NRXN3: variants seen among roughly 807,000 people sequenced by gnomAD.
NRXN3 encodes neurexin III.
A neutral mutation model predicts 137.6 loss-of-function variants in NRXN3; 32 were observed. That is an observed-to-expected ratio of 0.23 (90% CI 0.18 to 0.31). NRXN3 has a LOEUF of 0.31. Among genes scored for constraint, NRXN3 ranks in the 10% least tolerant of loss-of-function variants. The pLI is 1.00. For synonymous variants in NRXN3, 798 were observed against 784.5 expected (o/e 1.02, Z -0.29); for missense variants, 1,574 against 2,062.5 (o/e 0.76, Z 4.59).
intron 4 of NRXN3, among the ~76,000 whole-genome samples, chr14:78,600,583 T>G (rs2097194415): frequency 6.6e-6 from 1 of 152,210 alleles, no homozygotes; most frequent in African/African-American, 2.4e-5. Context: ...TATCAAGGAC[T>G]TGTGCTCCTG....
chr14:79,260,272 C>G (rs559201038), intron 15 of NRXN3, among the ~76,000 whole-genome samples: 1 of 152,146 alleles, frequency 6.6e-6, no homozygotes, highest in East Asian at 1.9e-4. Flanking sequence ...TCTATAAATT[C>G]TATTTTATAA....
chr14:79,009,958 A>T (rs1391215395), intron 15 of NRXN3, among the ~76,000 whole-genome samples: 1 of 152,232 alleles, frequency 6.6e-6, no homozygotes, highest in Non-Finnish European at 1.5e-5. Context: ...TGAAGAATAT[A>T]GAGAATATGC....
chr14:78,259,198 G>A (rs959741331), intron 2 of NRXN3, among the ~76,000 whole-genome samples: 3 of 152,040 alleles, frequency 2.0e-5, no homozygotes, highest in Admixed American at 1.3e-4. Flanking sequence ...CTCATATGCG[G>A]TGATGACGAA....
intron 10 of NRXN3, among the ~76,000 whole-genome samples, chr14:78,906,485 C>T (rs1306937171): frequency 6.6e-6 from 1 of 152,116 alleles, no homozygotes; most frequent in Non-Finnish European, 1.5e-5. Flanking sequence ...TAGAAATAAT[C>T]AGACCCTTTT....
intron 6 of NRXN3, 50 bp downstream of exon 6, chr14:78,651,376 T>A: frequency 6.4e-7 from 1 of 1,568,990 alleles, no homozygotes; most frequent in Non-Finnish European, 8.7e-7. Context: ...GTTTCATTTA[T>A]AAACAAATGA....
At chr14:78,893,470 G>A (rs979646931) in intron 10 of NRXN3, among the ~76,000 whole-genome samples, 1 of 151,858 alleles carries the variant, frequency 6.6e-6, no homozygotes, top group South Asian at 2.1e-4. Flanking sequence ...AATTGGTAAA[G>A]TCACTGTGAT....
intron 19 of NRXN3, among the ~76,000 whole-genome samples, chr14:79,755,534 T>C (rs1397088622): frequency 6.8e-6 from 1 of 146,626 alleles, no homozygotes; most frequent in African/African-American, 2.5e-5. Context: ...TACCGAAGAT[T>C]TTTTTTTTTT....
chr14:78,422,507 C>G (rs377280670), intron 4 of NRXN3, among the ~76,000 whole-genome samples: 3 of 152,170 alleles, frequency 2.0e-5, no homozygotes, highest in African/African-American at 7.2e-5. Context: ...TTGGAGGGAT[C>G]ATGGTGTTAA....
At chr14:78,302,366 C>T (rs1336437458) in intron 4 of NRXN3, among the ~76,000 whole-genome samples, 1 of 152,154 alleles carries the variant, frequency 6.6e-6, no homozygotes, top group African/African-American at 2.4e-5. Flanking sequence ...ACACTTAATG[C>T]TCATAACTCA....
chr14:79,220,258 T>C (rs79167177), intron 15 of NRXN3, among the ~76,000 whole-genome samples: 4,185 of 152,308 alleles, frequency 0.027, 141 homozygotes, highest in South Asian at 0.086. Flanking sequence ...TAATATTTTG[T>C]TTACTATGGT....
At position 79,467,200 on chromosome 14, in the gene NRXN3, CCTCT is replaced by C. The variant is rs759924718; in HGVS notation, c.3263-17_3263-14del. 3 of 1,584,174 alleles carry C rather than the reference CCTCT, an allele frequency of 1.9e-6. No individual in the cohort carries two copies. The highest frequency in any genetic ancestry group is 2.7e-5 in the African/African-American group (2 of 74,552). On this transcript the variant is annotated splice_polypyrimidine_tract_variant and intron_variant, in intron 15 of 20. Coordinates refer to ENST00000335750, the MANE Select transcript of NRXN3 (RefSeq NM_001330195.2). Reference sequence around the variant, plus strand: ...ATGCAATGTAGTGCCTTGATGTCTCCCTCTCTCCTTGCTTTTGCAGCTGGCGCTA... The same window carrying C: ...ATGCAATGTAGTGCCTTGATGTCTCCCTCCTTGCTTTTGCAGCTGGCGCTA...
At chr14:78,179,419 A>G (rs1250796723) in intron 1 of NRXN3, among the ~76,000 whole-genome samples, 1 of 152,128 alleles carries the variant, frequency 6.6e-6, no homozygotes, top group Non-Finnish European at 1.5e-5. Context: ...GACTGTGTTT[A>G]TTTTTTCCAA....
chr14:79,321,600 G>T (rs2090032763), intron 15 of NRXN3, among the ~76,000 whole-genome samples: 1 of 151,750 alleles, frequency 6.6e-6, no homozygotes, highest in Non-Finnish European at 1.5e-5. Context: ...TTTGCAAGAT[G>T]ACCTGGAATA....
At chr14:79,325,118 C>G (rs1034308195) in intron 15 of NRXN3, among the ~76,000 whole-genome samples, 1 of 152,158 alleles carries the variant, frequency 6.6e-6, no homozygotes, top group African/African-American at 2.4e-5. Context: ...TCTTTTCCTA[C>G]TTTTCTTTTT....
At chr14:78,602,481 G>C (rs2097210271) in intron 4 of NRXN3, 1 of 152,130 alleles carries the variant, frequency 6.6e-6, no homozygotes, top group Non-Finnish European at 1.5e-5. Context: ...GGAGAGGAAA[G>C]TGAACTGAGT....
intron 16 of NRXN3, among the ~76,000 whole-genome samples, chr14:79,603,435 G>A (rs888422323): frequency 2.0e-5 from 3 of 151,916 alleles, no homozygotes; most frequent in South Asian, 2.1e-4. Context: ...TATCTATGTC[G>A]TTCCTTCTAC....
At chr14:78,633,945 G>A (rs114232176) in intron 4 of NRXN3, among the ~76,000 whole-genome samples, 2 of 152,316 alleles carry the variant, frequency 1.3e-5, no homozygotes, top group African/African-American at 4.8e-5. Context: ...AGGAGGAGCT[G>A]GGCTGCCCTC....
intron 15 of NRXN3, among the ~76,000 whole-genome samples, chr14:79,038,951 G>C (rs1294955742): frequency 6.6e-6 from 1 of 152,132 alleles, no homozygotes. Context: ...TCTTTAATGA[G>C]TGTAGGGAGG....
At chr14:78,952,570 G>T (rs1305542594) in intron 10 of NRXN3, among the ~76,000 whole-genome samples, 1 of 152,146 alleles carries the variant, frequency 6.6e-6, no homozygotes, top group East Asian at 1.9e-4. Flanking sequence ...GGAAGCAAAG[G>T]TAAGTTTTCT....
Sources: gnomAD v4.1 joint callset for allele counts (sites outside exome capture counted in the v4.1 genomes callset) on GRCh38, gnomAD v4.1.1 for gene constraint, MANE v1.5 for transcripts, NCBI Gene and HGNC (gene_info 2026-07-23, HGNC 2026-07-21) for gene names.